Variants in TRAK1 observed in about 807,000 individuals in gnomAD.
TRAK1 encodes trafficking kinesin protein 1.
TRAK1 carries 33 observed loss-of-function variants against 92.1 expected under a neutral mutation model. That is an observed-to-expected ratio of 0.36 (90% CI 0.27 to 0.48). The LOEUF (loss-of-function observed/expected upper bound fraction) is 0.48. Among genes scored for constraint, TRAK1 ranks in the 20% least tolerant of loss-of-function variants. The pLI is 0.99. For missense variants in TRAK1, 1,123 were observed against 1,257.9 expected, an observed-to-expected ratio of 0.89 and a Z score of 1.62; for synonymous variants, 521 against 517.3, an observed-to-expected ratio of 1.01 and a Z score of -0.10.
intron 1 of TRAK1, among the ~76,000 whole-genome samples, chr3:42,069,938 G>A (rs575159021): frequency 9.9e-5 from 15 of 151,784 alleles, no homozygotes; most frequent in African/African-American, 3.6e-4. Flanking sequence ...TGCAACTGCT[G>A]CCTCCCGGGT....
intron 2 of TRAK1, among the ~76,000 whole-genome samples, chr3:42,151,035 C>A (rs533606272): frequency 9.2e-5 from 14 of 152,256 alleles, no homozygotes; most frequent in African/African-American, 3.4e-4. Flanking sequence ...TCATTGAACC[C>A]TCTATAACTT....
chr3:42,014,893 C>T (rs886180873), intron 1 of TRAK1, among the ~76,000 whole-genome samples: 2 of 151,444 alleles, frequency 1.3e-5, no homozygotes, highest in African/African-American at 4.9e-5. Flanking sequence ...AGTGTGTATT[C>T]GGGACTGGTA....
In TRAK1 at chr3:42,118,039, C is replaced by T. The variant is rs553491566; in HGVS notation, c.92-7381C>T. Among the ~76,000 whole-genome samples, 791 of 151,816 alleles carry T rather than the reference C, an allele frequency of 5.2e-3. 11 individuals are homozygous for T. The highest frequency in any genetic ancestry group is 4.0e-3 in the Non-Finnish European group (272 of 67,936). ...TTCACCATGTTGGCCAAGATGGTCTCGATGTCCTGACCTTGTGATCCGCCC... is the reference window on the plus strand; with the variant it reads ...TTCACCATGTTGGCCAAGATGGTCTTGATGTCCTGACCTTGTGATCCGCCC... On this transcript the variant is annotated intron_variant, in intron 1 of 15. Coordinates refer to ENST00000327628, the MANE Select transcript of TRAK1 (RefSeq NM_001042646.3).
At chr3:42,095,323 G>T (rs528707580) in intron 1 of TRAK1, among the ~76,000 whole-genome samples, 4 of 152,274 alleles carry the variant, frequency 2.6e-5, no homozygotes, top group Admixed American at 2.6e-4. Context: ...ATAAAATAGG[G>T]ATCCTTGAGG....
chr3:42,184,040 G>A (rs1267843382), intron 3 of TRAK1, among the ~76,000 whole-genome samples: 6 of 152,168 alleles, frequency 3.9e-5, no homozygotes, highest in African/African-American at 1.4e-4. Context: ...TATGCATAAC[G>A]TCTCCGTTTT....
chr3:42,115,148 G>C (rs574352393), intron 1 of TRAK1, among the ~76,000 whole-genome samples: 86 of 152,190 alleles, frequency 5.7e-4, no homozygotes, highest in African/African-American at 2.0e-3. Flanking sequence ...TTTAACTCTG[G>C]GCTGAACTTA....
chr3:42,156,693 G>A (rs1052773631), intron 2 of TRAK1, among the ~76,000 whole-genome samples: 3 of 152,192 alleles, frequency 2.0e-5, no homozygotes, highest in African/African-American at 7.2e-5. Context: ...CCACATAAAT[G>A]ACTAAGACAA....
chr3:42,085,051 A>G (rs1704608008), upstream of TRAK1, among the ~76,000 whole-genome samples: 1 of 152,072 alleles, frequency 6.6e-6, no homozygotes, highest in South Asian at 2.1e-4. Flanking sequence ...AAACTTTTCG[A>G]GTGTTTACAT....
upstream of TRAK1, among the ~76,000 whole-genome samples, chr3:42,013,602 C>A (rs988556434): frequency 5.4e-5 from 8 of 149,426 alleles, no homozygotes; most frequent in African/African-American, 2.0e-4. This position sits in a 1 kb window ranked among gnomAD's most constrained non-coding sequence, Gnocchi z 5.1. Context: ...CGGCGCGCGT[C>A]GGGCGGTGAC....
intron 2 of TRAK1, among the ~76,000 whole-genome samples, chr3:42,139,998 A>G (rs950701379): frequency 2.0e-5 from 3 of 152,136 alleles, no homozygotes; most frequent in Non-Finnish European, 4.4e-5. Flanking sequence ...CAGGAGGCAG[A>G]CTCAGAACCA....
rs559886526 is a variant in TRAK1, at chr3:42,198,832, A to G, written c.1114-345A>G. On this transcript the variant is annotated intron_variant, in intron 10 of 15. Coordinates refer to ENST00000327628, the MANE Select transcript of TRAK1 (RefSeq NM_001042646.3). ...CACCTGTCTCCATCATTCTGAACAC[A>G]TCACCCCTCCCTCATAAGTTCTGCA... Among the ~76,000 whole-genome samples the G allele has an allele frequency of 5.9e-5, 9 of 151,790 alleles. No individual in the cohort carries two copies. In the South Asian group the frequency reaches 6.3e-4, roughly 11 times the overall value.
chr3:42,100,291 C>T (rs1160104048), intron 1 of TRAK1, among the ~76,000 whole-genome samples: 3 of 152,138 alleles, frequency 2.0e-5, no homozygotes, highest in Non-Finnish European at 4.4e-5. Context: ...CACTTGAGCC[C>T]AGGGTGTAGA....
chr3:42,202,420 C>A lies in TRAK1; in HGVS notation c.1428-16C>A, dbSNP rs780351860. Reference sequence around the variant, plus strand: ...CCCTGCTGGCATTCCACCCTCACACCCCTTTCTTCTTCCAGAAACGATGAG... The same window carrying A: ...CCCTGCTGGCATTCCACCCTCACACACCTTTCTTCTTCCAGAAACGATGAG... On this transcript the variant is annotated splice_polypyrimidine_tract_variant and intron_variant, in intron 12 of 15. Coordinates refer to ENST00000327628, the MANE Select transcript of TRAK1 (RefSeq NM_001042646.3). This position sits in a 1 kb window ranked among gnomAD's most constrained non-coding sequence, Gnocchi z 6.1. 8 of 1,474,118 alleles carry A rather than the reference C, an allele frequency of 5.4e-6. No individual in the cohort carries two copies. The South Asian group carries it at 1.2e-4, about 22-fold the overall frequency. 91.3% of individuals were successfully genotyped at this position (1,474,118 alleles called of 1,614,324 possible).
At position 42,201,865 on chromosome 3, in the gene TRAK1, CGG is replaced by C. The variant is rs1559377928; in HGVS notation, c.1428-570_1428-569del. Among the ~76,000 whole-genome samples, 16 of 110,468 alleles carry C rather than the reference CGG, an allele frequency of 1.4e-4. No individual in the cohort carries two copies. In the East Asian group the frequency reaches 3.2e-3, roughly 22 times the overall value. 72.5% of individuals were successfully genotyped at this position (110,468 alleles called of 152,430 possible). On this transcript the variant is annotated intron_variant, in intron 12 of 15. Coordinates refer to ENST00000327628, the MANE Select transcript of TRAK1 (RefSeq NM_001042646.3). ...GCCCTGCAGAACCTGGACGGACGGA[CGG>C]ACGGACGGACAGACGGACACACACA...
At position 42,208,887 on chromosome 3, in the gene TRAK1, A is replaced by G. The variant is rs375533732; in HGVS notation, c.1745-880A>G. ...AGTAAGTTGGCAAGAACACCGTAGC[A>G]TACTAAAGGTTCTGTGATGCCCCTC... On this transcript the variant is annotated intron_variant, in intron 13 of 15. Coordinates refer to ENST00000327628, the MANE Select transcript of TRAK1 (RefSeq NM_001042646.3). Among the ~76,000 whole-genome samples the G allele has an allele frequency of 5.3e-4, 80 of 152,352 alleles. No individual in the cohort carries two copies. The South Asian group carries it at 0.01, about 20-fold the overall frequency.
intron 3 of TRAK1, among the ~76,000 whole-genome samples, chr3:42,184,015 GAAGGAT>G (rs1221442105): frequency 6.6e-6 from 1 of 152,178 alleles, no homozygotes; most frequent in Non-Finnish European, 1.5e-5. Flanking sequence ...TTTTGTCTCT[GAAGGAT>G]GGCAATTTTA....
chr3:42,083,283 C>T (rs956007938), upstream of TRAK1, among the ~76,000 whole-genome samples: 5 of 151,930 alleles, frequency 3.3e-5, no homozygotes, highest in African/African-American at 1.2e-4. Context: ...TATCCTTTGC[C>T]CATTTTTCTT....
Position 42,191,645 on chromosome 3 carries a change from C to A in TRAK1, c.769+9C>A. ...CTGCGTGAAGGAGCTGAGTATGTCC[C>A]CGCACTGCTGTCTTCTTACTTCCTT... On this transcript the variant is annotated intron_variant, in intron 7 of 15. Transcript: ENST00000327628. 2 of 1,592,008 alleles carry A rather than the reference C, an allele frequency of 1.3e-6. No homozygotes were observed. Among genetic ancestry groups the A allele is most frequent in the Non-Finnish European group, 1.7e-6 (2 of 1,168,678 alleles).
chr3:42,222,462 C>T lies in TRAK1; in HGVS notation c.2067-480C>T, dbSNP rs757448876. Among the ~76,000 whole-genome samples, 9 of 152,202 alleles carry T rather than the reference C, an allele frequency of 5.9e-5. No homozygotes were observed. In the South Asian group the frequency reaches 1.5e-3, roughly 25 times the overall value. On this transcript the variant is annotated intron_variant, in intron 15 of 15. Transcript: ENST00000327628. Reference sequence around the variant, plus strand: ...ACCCTTCCTAAGATAAGGAGTATCTCATCTCCCAGAGTCCTGGTTCACGTC... The same window carrying T: ...ACCCTTCCTAAGATAAGGAGTATCTTATCTCCCAGAGTCCTGGTTCACGTC...
Sources: allele counts gnomAD v4.1 joint callset (sites outside exome capture counted in the v4.1 genomes callset), GRCh38; gene constraint gnomAD v4.1.1; non-coding constraint Gnocchi (gnomAD v3.1); transcripts MANE v1.5; gene names NCBI Gene and HGNC (gene_info 2026-07-23, HGNC 2026-07-21).